CPSF3: variants seen among roughly 807,000 people sequenced by gnomAD.
CPSF3 encodes cleavage and polyadenylation specificity factor subunit 3.
A neutral mutation model predicts 84.1 loss-of-function variants in CPSF3; 57 were observed. The ratio of observed to expected loss-of-function variants is 0.68; its 90% CI spans 0.55 to 0.85. CPSF3 has a LOEUF of 0.85. Among genes scored for constraint, CPSF3 ranks in the 40% least tolerant of loss-of-function variants. The pLI, the probability that CPSF3 is intolerant of heterozygous loss-of-function variation, is 0.00. For synonymous variants in CPSF3, 275 were observed against 278.1 expected (o/e 0.99, Z 0.11); for missense variants, 522 against 838.8 (o/e 0.62, Z 4.66).
In CPSF3 at chr2:9,448,525, C is replaced by T. The variant is rs1681199492; in HGVS notation, c.1395+175C>T. 2.0e-5 allele frequency among the ~76,000 whole-genome samples: 3 copies of T among 152,274 alleles called. No individual in the cohort carries two copies. In the South Asian group the frequency reaches 6.2e-4, roughly 32 times the overall value. On this transcript the variant is annotated intron_variant, in intron 11 of 17. Transcript: ENST00000238112. ...TTCTTTTGGTTCTGTGCATTCATTT[C>T]TTCAGGTGGAAAATGTTCAGCTAGA...
intron 10 of CPSF3, among the ~76,000 whole-genome samples, chr2:9,446,867 T>C (rs934808695): frequency 6.6e-6 from 1 of 152,090 alleles, no homozygotes; most frequent in Non-Finnish European, 1.5e-5. Context: ...CATTTGGGGC[T>C]GAGCACAGTG....
intron 16 of CPSF3, among the ~76,000 whole-genome samples, chr2:9,470,825 G>A (rs73158028): frequency 1.6e-3 from 244 of 152,360 alleles, no homozygotes; most frequent in African/African-American, 5.6e-3. Context: ...CTAGCATGAT[G>A]CCTGCTGAAT....
At chr2:9,455,066 A>G (rs1297090793) in intron 12 of CPSF3, among the ~76,000 whole-genome samples, 1 of 151,840 alleles carries the variant, frequency 6.6e-6, no homozygotes, top group East Asian at 1.9e-4. Flanking sequence ...CAAGGAAAGA[A>G]GGCAGATGAC....
At chr2:9,455,597 G>T in intron 12 of CPSF3, 62 bp from the exon 13 acceptor site, 3 of 1,130,934 alleles carry the variant, frequency 2.7e-6, no homozygotes, top group Admixed American at 2.1e-5. Context: ...TTTTTTCTTT[G>T]CTCCTGGTAT....
chr2:9,440,333 C>T (rs1486281190), intron 7 of CPSF3, among the ~76,000 whole-genome samples, 158 bp from the exon 8 acceptor site: 1 of 152,158 alleles, frequency 6.6e-6, no homozygotes, highest in African/African-American at 2.4e-5. Context: ...AAGTTAGTTA[C>T]AACCAGGATA....
At chr2:9,443,393 A>G (rs1681019603) in intron 9 of CPSF3, 122 bp from the exon 10 acceptor site, 1 of 906,630 alleles carries the variant, frequency 1.1e-6, no homozygotes, top group Non-Finnish European at 1.7e-6. Context: ...TTATATTAGA[A>G]TGATTTTGTG....
intron 15 of CPSF3, among the ~76,000 whole-genome samples, chr2:9,466,300 G>GCA (rs1171758972): frequency 9.3e-6 from 1 of 107,238 alleles, no homozygotes; most frequent in Non-Finnish European, 2.1e-5. Flanking sequence ...ACAGACGCAT[G>GCA]CACACGCACA....
chr2:9,446,109 G>A (rs910360711), intron 10 of CPSF3, among the ~76,000 whole-genome samples: 1 of 152,186 alleles, frequency 6.6e-6, no homozygotes, highest in South Asian at 2.1e-4. Flanking sequence ...CCCCTGCCAC[G>A]TGCTGGTGCT....
intron 15 of CPSF3, among the ~76,000 whole-genome samples, chr2:9,466,248 G>GCA (rs1558466073): frequency 1.1e-5 from 1 of 93,086 alleles, no homozygotes; most frequent in African/African-American, 3.8e-5. Flanking sequence ...GCGCACGCAC[G>GCA]CGCACACACG....
chr2:9,425,437 A>C (rs1680351168), intron 1 of CPSF3, among the ~76,000 whole-genome samples: 1 of 151,696 alleles, frequency 6.6e-6, no homozygotes, highest in South Asian at 2.1e-4. Flanking sequence ...GAATAAAAGC[A>C]TGGATTGAGT....
At position 9,429,350 on chromosome 2, in the gene CPSF3, T is replaced by C. The variant is rs192259586; in HGVS notation, c.114+522T>C. Among the ~76,000 whole-genome samples, 117 of 152,350 alleles carry C rather than the reference T, an allele frequency of 7.7e-4. 3 individuals are homozygous for C. In the East Asian group the frequency reaches 0.022, roughly 29 times the overall value. On this transcript the variant is annotated intron_variant, in intron 2 of 17. Coordinates refer to ENST00000238112, the MANE Select transcript of CPSF3 (RefSeq NM_016207.4). Reference sequence around the variant, plus strand: ...AGTCAGTTCTGTGTCTCAGATTCCTTTGATTCCTCTTTCTTCTCAACTCCT... The same window carrying C: ...AGTCAGTTCTGTGTCTCAGATTCCTCTGATTCCTCTTTCTTCTCAACTCCT...
At chr2:9,435,813 A>G (rs1456544528) in intron 6 of CPSF3, among the ~76,000 whole-genome samples, 1 of 151,322 alleles carries the variant, frequency 6.6e-6, no homozygotes, top group African/African-American at 2.4e-5. Flanking sequence ...GCTCACTGCA[A>G]CCTCCTCCTC....
chr2:9,443,481 A>G lies in CPSF3; in HGVS notation c.1096-34A>G, dbSNP rs1354138833. The G allele has an allele frequency of 1.3e-6, 2 of 1,587,530 alleles. 1 individual carries two copies. Among genetic ancestry groups the G allele is most frequent in the South Asian group, 2.3e-5 (2 of 88,554 alleles). ...TGTACCTTTACGATTATAACTGGGT[A>G]GTTTGTTTTGTTATTTTTCTTTATT... On this transcript the variant is annotated intron_variant, in intron 9 of 17. Coordinates refer to ENST00000238112, the MANE Select transcript of CPSF3 (RefSeq NM_016207.4).
intron 7 of CPSF3, 116 bp from the exon 8 acceptor site, chr2:9,440,375 G>A (rs983508627): frequency 1.7e-5 from 15 of 872,970 alleles, no homozygotes; most frequent in African/African-American, 1.2e-4. Context: ...ATATAGTTGT[G>A]TGCTTTATTT....
At chr2:9,463,646 T>A (rs544911878) in intron 15 of CPSF3, among the ~76,000 whole-genome samples, 1 of 152,248 alleles carries the variant, frequency 6.6e-6, no homozygotes, top group African/African-American at 2.4e-5. Flanking sequence ...GTGACACTTA[T>A]GCTGCTCATG....
At chr2:9,437,424 C>CAAA (rs993663303) in intron 7 of CPSF3, among the ~76,000 whole-genome samples, 2 of 147,108 alleles carry the variant, frequency 1.4e-5, no homozygotes, top group Non-Finnish European at 3.0e-5. Flanking sequence ...CAAACAACAA[C>CAAA]AAAAAAAAAA....
intron 1 of CPSF3, among the ~76,000 whole-genome samples, chr2:9,425,447 TA>T (rs1680352129): frequency 6.6e-6 from 1 of 151,666 alleles, no homozygotes; most frequent in Non-Finnish European, 1.5e-5. Context: ...ATGGATTGAG[TA>T]GAGCAGATTC....
intron 15 of CPSF3, among the ~76,000 whole-genome samples, chr2:9,464,521 T>C (rs1057386181): frequency 3.9e-5 from 6 of 152,082 alleles, no homozygotes; most frequent in Admixed American, 1.3e-4. Context: ...TAAAATTCTG[T>C]TATATAGTTT....
chr2:9,447,438 C>A (rs1173370898), intron 10 of CPSF3, among the ~76,000 whole-genome samples: 1 of 151,830 alleles, frequency 6.6e-6, no homozygotes, highest in Non-Finnish European at 1.5e-5. Context: ...ATGATCACAT[C>A]ACTGGACTCC....
Sources: gnomAD v4.1 joint callset for allele counts (sites outside exome capture counted in the v4.1 genomes callset) on GRCh38, gnomAD v4.1.1 for gene constraint, MANE v1.5 for transcripts, NCBI Gene and HGNC (gene_info 2026-07-23, HGNC 2026-07-21) for gene names.